Variants in NSD2 observed in about 807,000 individuals in gnomAD.
NSD2 encodes histone-lysine N-methyltransferase NSD2.
Under a neutral mutation model 139.0 loss-of-function variants are expected in NSD2, and 12 were observed. The observed-to-expected ratio is 0.09, with a 90% CI of 0.06 to 0.14. NSD2 has a LOEUF of 0.14. Among genes scored for constraint, NSD2 ranks in the 10% least tolerant of loss-of-function variants. The pLI, the probability that NSD2 is intolerant of heterozygous loss-of-function variation, is 1.00. For synonymous variants in NSD2, 669 were observed against 648.7 expected, an observed-to-expected ratio of 1.03 and a Z score of -0.48; for missense variants, 1,155 against 1,745.0, an observed-to-expected ratio of 0.66 and a Z score of 6.02.
At chr4:1,901,616 G>A (rs1028373242) in intron 2 of NSD2, among the ~76,000 whole-genome samples, 6 of 152,262 alleles carry the variant, frequency 3.9e-5, no homozygotes, top group East Asian at 1.9e-4. Context: ...TCTCCAAGGT[G>A]TTCTTTAGCC....
intron 2 of NSD2, among the ~76,000 whole-genome samples, chr4:1,903,740 T>TC (rs1251101709): frequency 6.6e-6 from 1 of 151,018 alleles, no homozygotes; most frequent in Non-Finnish European, 1.5e-5. Context: ...AAATTTTTTT[T>TC]TTTTTTTTTT....
chr4:1,910,570 CTTTTCTGTGT>C (rs1718534897), intron 3 of NSD2, among the ~76,000 whole-genome samples: 1 of 152,080 alleles, frequency 6.6e-6, no homozygotes, highest in Non-Finnish European at 1.5e-5. Context: ...TTGTTGTCAC[CTTTTCTGTGT>C]TATGGAAGGG....
rs548145434 is a variant in NSD2 at position 1,955,178 on chromosome 4, G to A, written c.2356G>A (p.Val786Ile). ...RPSKGKMMRC[V>I]RCPVAYHSGD... Reference sequence around the variant, plus strand: ...GCCTTCAGGTAAAATGATGCGGTGTGTCCGCTGCCCCGTTGCCTATCACAG... The same window carrying A: ...GCCTTCAGGTAAAATGATGCGGTGTATCCGCTGCCCCGTTGCCTATCACAG... Residue 786 changes from valine (V) to isoleucine (I), a missense_variant, in exon 13 of 22, where the codon GTC (valine) becomes ATC (isoleucine). By Grantham distance (29) the Val-to-Ile change is conservative (BLOSUM62 3). Transcript: ENST00000508803. The surrounding 1 kb of genome is among the most constrained non-coding windows in gnomAD (Gnocchi z 4.7). 3.7e-6 allele frequency: 6 copies of A among 1,611,632 alleles called. No homozygotes were observed. The South Asian group carries it at 6.6e-5, about 18-fold the overall frequency.
chr4:1,953,167 A>C, intron 11 of NSD2, 157 bp from the exon 12 acceptor site: 1 of 1,553,886 alleles, frequency 6.4e-7, no homozygotes, highest in Non-Finnish European at 8.7e-7. Flanking sequence ...TTGCTGGAGA[A>C]TGCTTGGACT....
At chr4:1,934,872 AAAAAAAATATATATAT>A (rs1722151920) in intron 6 of NSD2, among the ~76,000 whole-genome samples, 1 of 84,964 alleles carries the variant, frequency 1.2e-5, no homozygotes, top group African/African-American at 5.3e-5. Context: ...AAAAAAAAAA[AAAAAAAATATATATAT>A]ATATATATAT....
At chr4:1,875,280 C>CTTTTTT (rs749123768) in intron 1 of NSD2, among the ~76,000 whole-genome samples, 2 of 126,628 alleles carry the variant, frequency 1.6e-5, no homozygotes, top group African/African-American at 2.9e-5. Flanking sequence ...TAGCTTTTTA[C>CTTTTTT]TTTTTTTTTT....
intron 1 of NSD2, among the ~76,000 whole-genome samples, chr4:1,894,674 TAAAAA>T (rs61535099): frequency 9.6e-6 from 1 of 104,018 alleles, no homozygotes; most frequent in Admixed American, 1.0e-4. Context: ...CCTGTCTCAA[TAAAAA>T]AAAAAAAAAA....
intron 18 of NSD2, among the ~76,000 whole-genome samples, chr4:1,961,427 G>C (rs1725356952): frequency 1.3e-5 from 2 of 152,228 alleles, no homozygotes; most frequent in African/African-American, 4.8e-5. Flanking sequence ...ACAGGGCAGG[G>C]AAGTAGAGAG....
intron 2 of NSD2, among the ~76,000 whole-genome samples, chr4:1,903,473 C>T (rs1335096737): frequency 6.6e-6 from 1 of 152,182 alleles, no homozygotes; most frequent in Non-Finnish European, 1.5e-5. Context: ...TGCCCTTGCC[C>T]TCACCACACT....
At chr4:1,897,882 C>T (rs1376941902) in intron 1 of NSD2, among the ~76,000 whole-genome samples, 1 of 152,240 alleles carries the variant, frequency 6.6e-6, no homozygotes, top group Admixed American at 6.5e-5. Flanking sequence ...CTGACTCAGC[C>T]TCCTAAAGTG....
At chr4:1,946,140 TTA>T in intron 9 of NSD2, 1 of 1,027,360 alleles carries the variant, frequency 9.7e-7, no homozygotes. Context: ...TAAAGCTAAA[TTA>T]TAGTCTTTTG....
intron 6 of NSD2, among the ~76,000 whole-genome samples, chr4:1,933,914 A>G (rs1462322563): frequency 3.9e-5 from 6 of 152,178 alleles, no homozygotes; most frequent in Admixed American, 3.3e-4. Flanking sequence ...CACCTAACAC[A>G]TGGAACAGCT....
intron 1 of NSD2, among the ~76,000 whole-genome samples, chr4:1,874,118 C>T (rs1341310108): frequency 6.6e-6 from 1 of 152,206 alleles, no homozygotes; most frequent in Non-Finnish European, 1.5e-5. Context: ...AGGCTTTTTA[C>T]TCATATATTC....
At chr4:1,959,874 G>A in intron 17 of NSD2, 134 bp downstream of exon 17, 5 of 1,160,420 alleles carry the variant, frequency 4.3e-6, no homozygotes, top group Non-Finnish European at 6.0e-6. Flanking sequence ...TTTTGTTTTT[G>A]TTTTGAGACA....
intron 18 of NSD2, among the ~76,000 whole-genome samples, chr4:1,968,731 A>G (rs1484133609): frequency 1.3e-5 from 2 of 152,222 alleles, no homozygotes; most frequent in Non-Finnish European, 2.9e-5. Flanking sequence ...ACATAGTAAC[A>G]ACAAGGAAAG....
At chr4:1,945,705 T>C (rs758341344) in intron 9 of NSD2, 73 of 1,063,272 alleles carry the variant, frequency 6.9e-5, no homozygotes, top group Non-Finnish European at 7.9e-5. Context: ...TTTGATCCAG[T>C]TGAGTTGAAA....
chr4:1,901,899 C>G (rs1039681493), intron 2 of NSD2, among the ~76,000 whole-genome samples: 1 of 152,166 alleles, frequency 6.6e-6, no homozygotes, highest in Admixed American at 6.5e-5. Context: ...TCCTAACTTG[C>G]GATGGAAAGG....
intron 9 of NSD2, chr4:1,940,342 A>G: frequency 1.9e-6 from 2 of 1,069,098 alleles, no homozygotes; most frequent in Non-Finnish European, 2.3e-6. Context: ...TACCATTGTA[A>G]TATGACTCCT....
At chr4:1,921,199 T>A (rs537399989) in intron 5 of NSD2, among the ~76,000 whole-genome samples, 1 of 152,356 alleles carries the variant, frequency 6.6e-6, no homozygotes, top group East Asian at 1.9e-4. Flanking sequence ...GGCTCACACC[T>A]GTAATCCCAG....
Sources: allele counts gnomAD v4.1 joint callset (sites outside exome capture counted in the v4.1 genomes callset), GRCh38; gene constraint gnomAD v4.1.1; non-coding constraint Gnocchi (gnomAD v3.1); transcripts MANE v1.5; gene names NCBI Gene and HGNC (gene_info 2026-07-23, HGNC 2026-07-21).